Variants in PTGR2 observed in about 807,000 individuals in gnomAD.
PTGR2 encodes prostaglandin reductase 2.
Under a neutral mutation model 43.4 loss-of-function variants are expected in PTGR2, and 32 were observed. The observed-to-expected ratio is 0.74, with a 90% confidence interval of 0.56 to 0.99. PTGR2 has a LOEUF of 0.99. Among genes scored for constraint, PTGR2 ranks in the 50% least tolerant of loss-of-function variants. The pLI is 0.00. For missense variants in PTGR2, 373 were observed against 420.0 expected (o/e 0.89, Z 0.98); for synonymous variants, 106 against 139.2 (o/e 0.76, Z 1.68).
At chr14:73,869,854 C>A (rs1315826388) in intron 3 of PTGR2, among the ~76,000 whole-genome samples, 1 of 152,048 alleles carries the variant, frequency 6.6e-6, no homozygotes, top group African/African-American at 2.4e-5. Flanking sequence ...GGTGAAACAC[C>A]GTCTCTACGA....
intron 1 of PTGR2, among the ~76,000 whole-genome samples, chr14:73,855,706 A>G (rs2054329178): frequency 6.6e-6 from 1 of 150,546 alleles, no homozygotes; most frequent in Non-Finnish European, 1.5e-5. Flanking sequence ...TCAGCCTCCC[A>G]AAGTGCTGGG....
intron 1 of PTGR2, among the ~76,000 whole-genome samples, chr14:73,854,889 A>G (rs2140227544): frequency 6.6e-6 from 1 of 152,350 alleles, no homozygotes; most frequent in Admixed American, 6.5e-5. Flanking sequence ...TTGAACCTGA[A>G]GTAATCAAGC....
At chr14:73,852,238 C>G (rs1458423725) in intron 1 of PTGR2, 2 of 152,094 alleles carry the variant, frequency 1.3e-5, no homozygotes, top group African/African-American at 4.8e-5. Flanking sequence ...GTACCATGCG[C>G]CGGGCATAGG....
chr14:73,864,366 G>A (rs187141406), intron 3 of PTGR2, among the ~76,000 whole-genome samples: 7 of 152,288 alleles, frequency 4.6e-5, no homozygotes, highest in Admixed American at 6.5e-5. Context: ...AGGAACTACC[G>A]AACTATTTTC....
intron 2 of PTGR2, 80 bp from the exon 3 acceptor site, chr14:73,860,459 T>G: frequency 1.5e-6 from 1 of 681,088 alleles, no homozygotes; most frequent in Non-Finnish European, 2.5e-6. Flanking sequence ...AGAGCAAGAC[T>G]CTGTCTCAAA....
chr14:73,876,406 G>T (rs927831237), intron 4 of PTGR2, among the ~76,000 whole-genome samples: 1 of 151,688 alleles, frequency 6.6e-6, no homozygotes, highest in African/African-American at 2.4e-5. Context: ...CCTTCTTGCT[G>T]TGTCCTCAGG....
rs560300308 is a variant in PTGR2 at position 73,852,276 on chromosome 14, G to A, written c.-48+333G>A. ...ATTGGACTCACATTTTTTTGTGTGT[G>A]TGACGGAGTCTCGCTCTGTCTGTCG... On this transcript the variant is annotated intron_variant, in intron 1 of 9. Transcript: ENST00000555661. Among the ~76,000 whole-genome samples, 9 of 151,936 alleles carry A rather than the reference G, an allele frequency of 5.9e-5. No individual in the cohort carries two copies. The East Asian group carries it at 1.7e-3, about 29-fold the overall frequency.
At chr14:73,882,304 G>C in intron 8 of PTGR2, 95 bp from the exon 9 acceptor site, 2 of 763,608 alleles carry the variant, frequency 2.6e-6, no homozygotes. Context: ...TAGACAAAGT[G>C]CTAAATAGTA....
chr14:73,885,357 T>A lies in PTGR2; in HGVS notation c.*1180T>A, dbSNP rs933013694. ...TGACAGGACTGGGCAAATTAACAAA[T>A]GTTTGTAAACATGAATGTTCAGGAA... is the stretch of plus-strand genomic sequence containing the variant. On this transcript the variant is annotated 3_prime_UTR_variant, in exon 10 of 10. Transcript: ENST00000555661. 1.3e-5 allele frequency: 2 copies of A among 152,220 alleles called. No homozygotes were observed. Among genetic ancestry groups the A allele is most frequent in the Non-Finnish European group, 2.9e-5 (2 of 68,040 alleles). The allele number at this position is 152,220 out of a possible 1,614,324, so 9.4% of individuals were successfully genotyped here. A position where few individuals can be genotyped will look rare whatever the true frequency, so the allele number is the denominator to read the frequency against.
intron 1 of PTGR2, among the ~76,000 whole-genome samples, chr14:73,857,463 A>G (rs1163871945): frequency 6.6e-6 from 1 of 151,558 alleles, no homozygotes; most frequent in Non-Finnish European, 1.5e-5. Context: ...AAATACAAAA[A>G]ATTAGCAGGG....
chr14:73,863,215 C>T (rs902993024), intron 3 of PTGR2, among the ~76,000 whole-genome samples: 3 of 152,168 alleles, frequency 2.0e-5, no homozygotes, highest in African/African-American at 7.2e-5. Context: ...CTCACCCCAC[C>T]CTCTGCTGTA....
In PTGR2 at chr14:73,879,148, A is replaced by T; in HGVS notation, c.572A>T (p.Glu191Val). The change falls in exon 6 of 10, where the codon GAG becomes GTG. Residue 191 changes from glutamate to valine, a missense_variant. By Grantham distance (121) the Glu-to-Val change is moderately radical. Transcript: ENST00000555661. ...SRVVGICGTH[E>V]KCILLTSELG... is the part of the protein sequence containing the mutation. ...GTGGTGGGAATTTGTGGAACACATG[A>T]GAAATGCATCCTCTTGACCTCAGAA... 1 of 1,614,156 alleles carries T rather than the reference A, an allele frequency of 6.2e-7. No individual in the cohort carries two copies. The highest frequency in any genetic ancestry group is 8.5e-7 in the Non-Finnish European group (1 of 1,180,028).
intron 5 of PTGR2, 43 bp downstream of exon 5, chr14:73,877,211 A>T: frequency 6.6e-7 from 1 of 1,513,762 alleles, no homozygotes. Flanking sequence ...TTATTTGACG[A>T]TTGTTATAAT....
chr14:73,861,745 A>AC (rs1369153945), intron 3 of PTGR2: 1 of 152,120 alleles, frequency 6.6e-6, no homozygotes, highest in African/African-American at 2.4e-5. Context: ...CAAAAAAAAA[A>AC]GTCTCAGTGC....
chr14:73,873,426 A>G (rs1335154483), intron 3 of PTGR2, among the ~76,000 whole-genome samples: 2 of 151,796 alleles, frequency 1.3e-5, no homozygotes, highest in Admixed American at 6.6e-5. Context: ...AACACTTAGA[A>G]TCTACCCTTA....
At chr14:73,868,282 C>G (rs2054648847) in intron 3 of PTGR2, among the ~76,000 whole-genome samples, 1 of 151,606 alleles carries the variant, frequency 6.6e-6, no homozygotes, top group Non-Finnish European at 1.5e-5. Flanking sequence ...GAGCAAGACT[C>G]TGTCTCAAAA....
At chr14:73,878,715 C>CGTATCATTAA in intron 5 of PTGR2, 1 of 381,636 alleles carries the variant, frequency 2.6e-6, no homozygotes. Context: ...ACTGTGTTGC[C>CGTATCATTAA]AGATGATTTT....
intron 5 of PTGR2, chr14:73,878,579 G>T: frequency 2.6e-6 from 1 of 380,004 alleles, no homozygotes. Flanking sequence ...CTGGGCAGCG[G>T]CAACAAGCTG....
chr14:73,869,619 C>A (rs1020310661), intron 3 of PTGR2, among the ~76,000 whole-genome samples: 17 of 151,710 alleles, frequency 1.1e-4, no homozygotes, highest in African/African-American at 3.9e-4. Flanking sequence ...GTATTTATCA[C>A]TGTATCTCCA....
Sources: allele counts gnomAD v4.1 joint callset (sites outside exome capture counted in the v4.1 genomes callset), GRCh38; gene constraint gnomAD v4.1.1; transcripts MANE v1.5; gene names NCBI Gene and HGNC (gene_info 2026-07-23, HGNC 2026-07-21).